SLC25A40: variants seen among roughly 807,000 people sequenced by gnomAD.
The protein encoded by SLC25A40 is mitochondrial glutathione transporter SLC25A40.
A neutral mutation model predicts 46.5 loss-of-function variants in SLC25A40; 41 were observed. The ratio of observed to expected loss-of-function variants is 0.88; its 90% CI spans 0.69 to 1.14. The LOEUF is 1.14. Ranked by LOEUF, SLC25A40 falls within the 50% of genes most tolerant of loss-of-function variation. The pLI, the probability that SLC25A40 is intolerant of heterozygous loss-of-function variation, is 0.00. For missense variants in SLC25A40, 386 were observed against 393.6 expected (o/e 0.98, Z 0.16); for synonymous variants, 126 against 127.5 (o/e 0.99, Z 0.08).
chr7:87,841,956 G>A (rs911281842), intron 9 of SLC25A40: 3 of 365,310 alleles, frequency 8.2e-6, no homozygotes, highest in Non-Finnish European at 1.6e-5. Flanking sequence ...ACAGCTACTA[G>A]TTGCAGAGCC....
At chr7:87,840,592 T>C (rs1838317630) in intron 10 of SLC25A40, among the ~76,000 whole-genome samples, 1 of 151,548 alleles carries the variant, frequency 6.6e-6, no homozygotes, top group Non-Finnish European at 1.5e-5. Context: ...AGAGGGGAAA[T>C]AGAAATTCTG....
At chr7:87,843,146 T>C (rs1838359101) in intron 9 of SLC25A40, among the ~76,000 whole-genome samples, 1 of 152,050 alleles carries the variant, frequency 6.6e-6, no homozygotes, top group Middle Eastern at 3.2e-3. Flanking sequence ...AGATTCATTT[T>C]TGGAAGTATG....
At chr7:87,843,304 G>A (rs981037839) in intron 9 of SLC25A40, among the ~76,000 whole-genome samples, 1 of 151,974 alleles carries the variant, frequency 6.6e-6, no homozygotes, top group Non-Finnish European at 1.5e-5. Context: ...ATTTCCTTCC[G>A]ACTGTAATTT....
chr7:87,864,831 T>C (rs2131018551), intron 1 of SLC25A40, among the ~76,000 whole-genome samples: 1 of 152,324 alleles, frequency 6.6e-6, no homozygotes, highest in African/African-American at 2.4e-5. Context: ...AATAATAACT[T>C]ACCACTGCCC....
At chr7:87,869,169 T>A (rs1286945612) in intron 1 of SLC25A40, among the ~76,000 whole-genome samples, 1 of 152,302 alleles carries the variant, frequency 6.6e-6, no homozygotes, top group Middle Eastern at 3.4e-3. Context: ...TATATTTGTT[T>A]TCAGTTTTCT....
chr7:87,854,067 C>T, intron 5 of SLC25A40, 137 bp downstream of exon 5: 1 of 609,292 alleles, frequency 1.6e-6, no homozygotes, highest in Non-Finnish European at 2.8e-6. Context: ...AAAAGGTTAA[C>T]AAAGGGTTAA....
chr7:87,872,580 C>T (rs1183476894), intron 1 of SLC25A40, among the ~76,000 whole-genome samples: 1 of 152,192 alleles, frequency 6.6e-6, no homozygotes, highest in Non-Finnish European at 1.5e-5. Flanking sequence ...GGAAATTCCT[C>T]GGTTTGATAA....
Position 87,858,607 on chromosome 7 carries a change from T to G in SLC25A40, c.97+24A>C, listed in dbSNP as rs372704317. The stretch of plus-strand genomic sequence containing the variant: ...CACTGACTCATTCAAAGTTACATAA[T>G]CTACATCAGTAACATAATTTTACCT... On this transcript the variant is annotated intron_variant, in intron 3 of 11. Transcript: ENST00000341119. The G allele has an allele frequency of 8.6e-6, 11 of 1,273,420 alleles. No individual in the cohort carries two copies. The African/African-American group carries it at 1.6e-4, about 19-fold the overall frequency. The allele number at this position is 1,273,420 out of a possible 1,614,324, so 78.9% of individuals were successfully genotyped here.
intron 1 of SLC25A40, among the ~76,000 whole-genome samples, chr7:87,874,644 T>C (rs1296296349): frequency 1.3e-5 from 2 of 152,244 alleles, no homozygotes; most frequent in African/African-American, 2.4e-5. Context: ...ATAGTAATTA[T>C]GGAGCTCTTA....
chr7:87,859,269 A>G (rs1455238528), intron 2 of SLC25A40, among the ~76,000 whole-genome samples: 2 of 152,000 alleles, frequency 1.3e-5, no homozygotes, highest in Non-Finnish European at 2.9e-5. Flanking sequence ...CCTGGCTAAC[A>G]TGGTGAAATC....
intron 2 of SLC25A40, chr7:87,860,218 A>C (rs944767000): frequency 1.3e-5 from 2 of 152,132 alleles, no homozygotes; most frequent in African/African-American, 4.8e-5. Flanking sequence ...ACAACAACAA[A>C]AAAAACGTCA....
At chr7:87,870,623 C>G (rs916088720) in intron 1 of SLC25A40, among the ~76,000 whole-genome samples, 2 of 152,146 alleles carry the variant, frequency 1.3e-5, no homozygotes, top group Admixed American at 6.5e-5. Context: ...CCATAAAAAC[C>G]ACAGGCTCAG....
At chr7:87,856,415 C>T in intron 3 of SLC25A40, 64 bp from the exon 4 acceptor site, 1 of 1,190,138 alleles carries the variant, frequency 8.4e-7, no homozygotes, top group Non-Finnish European at 1.3e-6. Flanking sequence ...ATGTTTTACA[C>T]AGAACACAAA....
At chr7:87,836,598 T>A (rs1241959756) in intron 11 of SLC25A40, 132 bp downstream of exon 11, 1 of 562,752 alleles carries the variant, frequency 1.8e-6, no homozygotes, top group South Asian at 3.9e-5. Context: ...TATTTTAACT[T>A]ATAATAAAGA....
chr7:87,861,724 T>C (rs1167752433), intron 1 of SLC25A40, among the ~76,000 whole-genome samples: 1 of 152,176 alleles, frequency 6.6e-6, no homozygotes, highest in Non-Finnish European at 1.5e-5. Flanking sequence ...TCCTCCAGAA[T>C]GGTAAAACGG....
chr7:87,869,480 T>C (rs1244972143), intron 1 of SLC25A40, among the ~76,000 whole-genome samples: 6 of 151,632 alleles, frequency 4.0e-5, no homozygotes, highest in Non-Finnish European at 5.9e-5. Context: ...AGTGAGCCTA[T>C]ATCATGCTAT....
chr7:87,844,829 CA>C (rs879294237), intron 8 of SLC25A40, among the ~76,000 whole-genome samples: 8 of 149,080 alleles, frequency 5.4e-5, no homozygotes, highest in African/African-American at 1.2e-4. Context: ...AACTAAATGT[CA>C]AAAAAAAAGA....
At chr7:87,864,712 T>G (rs1838761510) in intron 1 of SLC25A40, among the ~76,000 whole-genome samples, 1 of 152,194 alleles carries the variant, frequency 6.6e-6, no homozygotes, top group Non-Finnish European at 1.5e-5. Flanking sequence ...ATAGATTAAG[T>G]AGGTTTCTTG....
At chr7:87,858,361 C>A (rs1336040500) in intron 3 of SLC25A40, among the ~76,000 whole-genome samples, 2 of 152,166 alleles carry the variant, frequency 1.3e-5, no homozygotes, top group Admixed American at 1.3e-4. Context: ...TGTGACCTTA[C>A]TCCCTGTTCT....
Sources: allele counts gnomAD v4.1 joint callset (sites outside exome capture counted in the v4.1 genomes callset), GRCh38; gene constraint gnomAD v4.1.1; transcripts MANE v1.5; gene names NCBI Gene and HGNC (gene_info 2026-07-23, HGNC 2026-07-21).